The following LRP5 variants were observed in gnomAD, a reference collection of about 807,000 sequenced individuals.
LRP5 encodes the protein low-density lipoprotein receptor-related protein 5.
LRP5 carries 62 observed loss-of-function variants against 154.1 expected under a neutral mutation model. The observed-to-expected ratio is 0.40, with a 90% CI of 0.33 to 0.50. The LOEUF (loss-of-function observed/expected upper bound fraction) is 0.50, where lower values mean the gene tolerates loss of function less well. LRP5 is among the 20% of genes least tolerant of loss of function. The pLI is 0.55. For synonymous variants in LRP5, 966 were observed against 1,011.5 expected, an observed-to-expected ratio of 0.96 and a Z score of 0.85; for missense variants, 1,915 against 2,336.7, an observed-to-expected ratio of 0.82 and a Z score of 3.72.
chr11:68,419,969 T>G (rs1388436715), intron 13 of LRP5, among the ~76,000 whole-genome samples: 2 of 152,024 alleles, frequency 1.3e-5, no homozygotes, highest in Non-Finnish European at 2.9e-5. Context: ...CTAACTGTAT[T>G]TTATGTAGAG....
chr11:68,359,768 C>G (rs1008766015), intron 3 of LRP5, among the ~76,000 whole-genome samples: 5 of 150,502 alleles, frequency 3.3e-5, no homozygotes, highest in Admixed American at 3.3e-4. Context: ...CAGCCTTGAC[C>G]TCTTTTTTTG....
At chr11:68,346,461 A>G (rs1395063145) in intron 1 of LRP5, among the ~76,000 whole-genome samples, 2 of 152,328 alleles carry the variant, frequency 1.3e-5, no homozygotes, top group East Asian at 1.9e-4. Context: ...CTCCTGGGCC[A>G]TGCTCTGGCC....
At chr11:68,390,900 C>T (rs747188264) in intron 7 of LRP5, among the ~76,000 whole-genome samples, 4 of 152,226 alleles carry the variant, frequency 2.6e-5, no homozygotes, top group Non-Finnish European at 4.4e-5. Flanking sequence ...CATGGGCGTG[C>T]TTTGGCAGCT....
chr11:68,444,975 G>T (rs553193203), intron 21 of LRP5, among the ~76,000 whole-genome samples: 1 of 152,114 alleles, frequency 6.6e-6, no homozygotes, highest in Non-Finnish European at 1.5e-5. Flanking sequence ...GGCCCAGTGC[G>T]GCTTCCTAAA....
chr11:68,400,125 C>T (rs980120711), intron 7 of LRP5, among the ~76,000 whole-genome samples: 4 of 152,126 alleles, frequency 2.6e-5, no homozygotes, highest in Admixed American at 6.5e-5. Flanking sequence ...CAGCGTCTTG[C>T]GCTTGCCGAG....
At chr11:68,347,756 C>A (rs2098614360) in intron 1 of LRP5, 91 bp from the exon 2 acceptor site, 2 of 1,469,592 alleles carry the variant, frequency 1.4e-6, no homozygotes, top group African/African-American at 2.8e-5. Context: ...CAGGGCAGTA[C>A]CAGGAGTGCT....
intron 5 of LRP5, among the ~76,000 whole-genome samples, chr11:68,367,866 C>T (rs1398828601): frequency 6.6e-6 from 1 of 152,102 alleles, no homozygotes; most frequent in Non-Finnish European, 1.5e-5. Context: ...GAGTTCAAGA[C>T]CAGCCTGGCC....
chr11:68,301,032 C>CAATT, the LRP5 span, among the ~76,000 whole-genome samples: 3 of 148,298 alleles, frequency 2.0e-5, 1 homozygote, highest in African/African-American at 7.3e-5. Flanking sequence ...CGGGTTCAAG[C>CAATT]AATTCTCCTG....
intron 3 of LRP5, among the ~76,000 whole-genome samples, chr11:68,360,713 A>G (rs2098627107): frequency 1.3e-5 from 2 of 152,194 alleles, no homozygotes; most frequent in African/African-American, 4.8e-5. Context: ...AAATGGCCAC[A>G]TGGGCTGGGC....
chr11:68,326,615 G>A (rs758178996), intron 1 of LRP5, among the ~76,000 whole-genome samples: 1 of 152,250 alleles, frequency 6.6e-6, no homozygotes, highest in African/African-American at 2.4e-5. Flanking sequence ...CCAGTCTGTG[G>A]GCCAGATGGG....
At chr11:68,363,015 G>A (rs1447440562) in intron 3 of LRP5, among the ~76,000 whole-genome samples, 1 of 152,236 alleles carries the variant, frequency 6.6e-6, no homozygotes, top group South Asian at 2.1e-4. Context: ...TTACACCCGA[G>A]TCCTCATTTG....
At chr11:68,327,416 G>C (rs1018748857) in intron 1 of LRP5, among the ~76,000 whole-genome samples, 1 of 152,230 alleles carries the variant, frequency 6.6e-6, no homozygotes, top group African/African-American at 2.4e-5. Context: ...GCGCCTCTGC[G>C]GATCTGACCC....
intron 5 of LRP5, among the ~76,000 whole-genome samples, chr11:68,376,839 C>G (rs186835272): frequency 6.6e-6 from 1 of 152,312 alleles, no homozygotes; most frequent in African/African-American, 2.4e-5. Flanking sequence ...AAGTCACCAA[C>G]TGTTTTATAC....
chr11:68,425,731 G>A (rs1182646610), intron 15 of LRP5, among the ~76,000 whole-genome samples: 1 of 151,390 alleles, frequency 6.6e-6, no homozygotes, highest in African/African-American at 2.4e-5. Flanking sequence ...AGGGGCCAGT[G>A]ACCGAGGCCC....
chr11:68,303,493 CTCCT>C, the LRP5 span, among the ~76,000 whole-genome samples: 1 of 152,032 alleles, frequency 6.6e-6, no homozygotes, highest in African/African-American at 2.4e-5. Flanking sequence ...TCTTCCCTTC[CTCCT>C]TCCTTCCTTC....
the LRP5 span, among the ~76,000 whole-genome samples, chr11:68,306,840 C>A: frequency 6.6e-6 from 1 of 152,196 alleles, no homozygotes; most frequent in Non-Finnish European, 1.5e-5. Flanking sequence ...GAGAGTCAAA[C>A]AAACAGCTGC....
At chr11:68,318,008 A>G (rs1434022439) in intron 1 of LRP5, among the ~76,000 whole-genome samples, 4 of 151,150 alleles carry the variant, frequency 2.6e-5, no homozygotes, top group East Asian at 3.9e-4. Context: ...TTTAATATAT[A>G]TATTTTAAAC....
intron 1 of LRP5, among the ~76,000 whole-genome samples, chr11:68,320,094 A>G (rs1165931214): frequency 6.6e-6 from 1 of 152,190 alleles, no homozygotes; most frequent in African/African-American, 2.4e-5. Context: ...TCAGGAGGTC[A>G]AGGCTGCAGT....
chr11:68,397,213 A>G (rs1287341698), intron 7 of LRP5, among the ~76,000 whole-genome samples: 1 of 151,936 alleles, frequency 6.6e-6, no homozygotes, highest in African/African-American at 2.4e-5. Flanking sequence ...CCTGGCTGGG[A>G]GCGTCTCCCC....
Sources: gnomAD v4.1 joint callset for allele counts (sites outside exome capture counted in the v4.1 genomes callset) on GRCh38, gnomAD v4.1.1 for gene constraint, MANE v1.5 for transcripts, NCBI Gene and HGNC (gene_info 2026-07-23, HGNC 2026-07-21) for gene names.